The following SMARCA5 variants were observed in gnomAD, a reference collection of about 807,000 sequenced individuals.
SMARCA5 encodes the protein SWI/SNF-related matrix-associated actin-dependent regulator of chromatin subfamily A member 5.
A neutral mutation model predicts 140.4 loss-of-function variants in SMARCA5; 18 were observed. The observed-to-expected ratio is 0.13, with a 90% CI of 0.09 to 0.19. The LOEUF (loss-of-function observed/expected upper bound fraction) is 0.19. SMARCA5 is among the 10% of genes least tolerant of loss of function. The pLI, the probability that SMARCA5 is intolerant of heterozygous loss-of-function variation, is 1.00. For missense variants in SMARCA5, 606 were observed against 1,276.8 expected (o/e 0.47, Z 8.01); for synonymous variants, 449 against 419.6 (o/e 1.07, Z -0.86).
chr4:143,527,942 A>G lies in SMARCA5; in HGVS notation c.876A>G (p.Lys292=), dbSNP rs144876090. 26 of 1,601,040 alleles carry G rather than the reference A, an allele frequency of 1.6e-5. No individual in the cohort carries two copies. The African/African-American group carries it at 3.1e-4, about 19-fold the overall frequency. The change falls in exon 7 of 24, where the codon AAA becomes AAG. Residue 292 remains lysine, a synonymous_variant. Transcript: ENST00000283131. ...TAACATCTTATGAAATGCTTATTAAAGAGAAGTCTGTGTTCAAAAAATTTA... is the reference window on the plus strand; with the variant it reads ...TAACATCTTATGAAATGCTTATTAAGGAGAAGTCTGTGTTCAAAAAATTTA... The part of the protein sequence containing the change: ...VCVTSYEMLI[K]EKSVFKKFNW...
In SMARCA5 at chr4:143,543,847, C is replaced by T. The variant is rs377251857; in HGVS notation, c.2053-6C>T. On this transcript the variant is annotated splice_region_variant and splice_polypyrimidine_tract_variant and intron_variant, in intron 15 of 23. Coordinates refer to ENST00000283131, the MANE Select transcript of SMARCA5 (RefSeq NM_003601.4). ...AATCTAAGAAGCTGATTGTTTTGTTCTCTAGACTGCAGAGATGAATGAAAA... is the reference window on the plus strand; with the variant it reads ...AATCTAAGAAGCTGATTGTTTTGTTTTCTAGACTGCAGAGATGAATGAAAA... 8.8e-5 allele frequency: 140 copies of T among 1,596,280 alleles called. No individual in the cohort carries two copies. Among genetic ancestry groups the T allele is most frequent in the Non-Finnish European group, 1.1e-4 (135 of 1,175,412 alleles).
intron 9 of SMARCA5, among the ~76,000 whole-genome samples, chr4:143,534,496 A>G (rs186100919): frequency 6.6e-6 from 1 of 152,226 alleles, no homozygotes; most frequent in Admixed American, 6.5e-5. Flanking sequence ...ATTATTCCCT[A>G]AACGGTATAG....
chr4:143,527,842 TG>T (rs763644936), intron 6 of SMARCA5, 25 bp from the exon 7 acceptor site: 1 of 1,576,500 alleles, frequency 6.3e-7, no homozygotes, highest in South Asian at 1.2e-5. Flanking sequence ...TTCTACGTGA[TG>T]TAATTTTTTT....
At chr4:143,526,755 T>G (rs576970222) in intron 6 of SMARCA5, among the ~76,000 whole-genome samples, 99 of 152,082 alleles carry the variant, frequency 6.5e-4, no homozygotes, top group Middle Eastern at 3.4e-3. Context: ...TCCCAGCTAC[T>G]TGGTAGGCTG....
Position 143,538,755 on chromosome 4 carries a change from T to C in SMARCA5, c.1618-31T>C, listed in dbSNP as rs770437516. 3 of 1,613,066 alleles carry C rather than the reference T, an allele frequency of 1.9e-6. No individual in the cohort carries two copies. The Admixed American group carries it at 5.0e-5, about 27-fold the overall frequency. On this transcript the variant is annotated intron_variant, in intron 12 of 23. Coordinates refer to ENST00000283131, the MANE Select transcript of SMARCA5 (RefSeq NM_003601.4). ...GGGAGATAAAAAAGAATCAGATAAA[T>C]TTTTTGACAACCATTTTGTTTTATC...
At chr4:143,544,620 A>C in intron 16 of SMARCA5, 117 bp from the exon 17 acceptor site, 1 of 623,934 alleles carries the variant, frequency 1.6e-6, no homozygotes, top group Non-Finnish European at 2.9e-6. Flanking sequence ...CCACCCTCAT[A>C]GAGCTTATAG....
chr4:143,537,021 G>A (rs1365471874), intron 11 of SMARCA5, among the ~76,000 whole-genome samples: 1 of 152,162 alleles, frequency 6.6e-6, no homozygotes, highest in Non-Finnish European at 1.5e-5. Context: ...GACAGTGGTG[G>A]TGTGTTCATG....
rs1737404151 is a variant in SMARCA5, at chr4:143,540,306, C to T, written c.1771-57C>T. 4 of 1,392,794 alleles carry T rather than the reference C, an allele frequency of 2.9e-6. No homozygotes were observed. The East Asian group carries it at 7.2e-5, about 25-fold the overall frequency. 86.3% of individuals were successfully genotyped at this position (1,392,794 alleles called of 1,614,324 possible). A position where few individuals can be genotyped will look rare whatever the true frequency, so the allele number is the denominator to read the frequency against. On this transcript the variant is annotated intron_variant, in intron 13 of 23. Coordinates refer to ENST00000283131, the MANE Select transcript of SMARCA5 (RefSeq NM_003601.4). ...ATTTTTTTTCTCAGTGTACCCATTT[C>T]AGTGTTATTTATGTGACTTTTAAAC...
intron 9 of SMARCA5, among the ~76,000 whole-genome samples, chr4:143,533,241 T>C (rs1351501324): frequency 6.6e-6 from 1 of 152,108 alleles, no homozygotes; most frequent in Non-Finnish European, 1.5e-5. Flanking sequence ...AAAATTAATT[T>C]ATGGTGTCTA....
At chr4:143,538,131 TA>T (rs1737352891) in intron 11 of SMARCA5, among the ~76,000 whole-genome samples, 2 of 152,102 alleles carry the variant, frequency 1.3e-5, no homozygotes, top group African/African-American at 4.8e-5. Context: ...AGATAAGTGA[TA>T]AGTGAAGGAT....
intron 16 of SMARCA5, 62 bp downstream of exon 16, chr4:143,544,034 A>T: frequency 7.7e-7 from 1 of 1,290,542 alleles, no homozygotes; most frequent in African/African-American, 1.5e-5. Context: ...TTGGAATTTT[A>T]AGTGTTACTG....
intron 10 of SMARCA5, 23 bp downstream of exon 10, chr4:143,534,987 G>T: frequency 7.0e-7 from 1 of 1,427,922 alleles, no homozygotes; most frequent in Non-Finnish European, 9.7e-7. Context: ...AGATGTACTT[G>T]ATAGCACTAT....
At chr4:143,539,010 T>C (rs983006802) in intron 13 of SMARCA5, 72 bp downstream of exon 13, 3 of 1,292,892 alleles carry the variant, frequency 2.3e-6, no homozygotes, top group East Asian at 2.3e-5. Context: ...ATTCTACAAA[T>C]ATCAGTGACT....
intron 3 of SMARCA5, 133 bp downstream of exon 3, chr4:143,521,728 G>C: frequency 2.6e-6 from 2 of 766,048 alleles, no homozygotes; most frequent in Middle Eastern, 3.4e-4. Context: ...GTTTGGCTTG[G>C]CATGATTTAG....
At chr4:143,541,269 G>A (rs902533252) in intron 14 of SMARCA5, among the ~76,000 whole-genome samples, 3 of 152,144 alleles carry the variant, frequency 2.0e-5, no homozygotes, top group Non-Finnish European at 2.9e-5. Context: ...GTGTGCATTG[G>A]TTTCCTTTGT....
rs999384193 is a variant in SMARCA5, at chr4:143,530,588, TTAG to T, written c.1158+66_1158+68del. The stretch of plus-strand genomic sequence containing the variant: ...ATGGGAAAAAGGATAAAGGTTTAAA[TTAG>T]TAGATTATTTTCCTGTTAATAAAAA... On this transcript the variant is annotated intron_variant, in intron 9 of 23. Transcript: ENST00000283131. 8.1e-6 allele frequency: 9 copies of T among 1,106,070 alleles called. No homozygotes were observed. In the Admixed American group the frequency reaches 1.9e-4, roughly 23 times the overall value. 68.5% of individuals were successfully genotyped at this position (1,106,070 alleles called of 1,614,324 possible).
intron 10 of SMARCA5, among the ~76,000 whole-genome samples, 172 bp from the exon 11 acceptor site, chr4:143,536,280 T>G (rs1339207615): frequency 5.9e-5 from 9 of 151,910 alleles, no homozygotes; most frequent in Non-Finnish European, 5.9e-5. Context: ...TAAAGAAAAA[T>G]GGAAGCAAAA....
chr4:143,527,702 A>G (rs1737103007), intron 6 of SMARCA5, among the ~76,000 whole-genome samples, 166 bp from the exon 7 acceptor site: 1 of 152,220 alleles, frequency 6.6e-6, no homozygotes, highest in South Asian at 2.1e-4. Context: ...TAATGACGTT[A>G]CTTTAGTCTT....
chr4:143,532,287 A>G (rs565310691), intron 9 of SMARCA5, among the ~76,000 whole-genome samples: 4 of 152,316 alleles, frequency 2.6e-5, no homozygotes, highest in East Asian at 1.9e-4. Context: ...TGGAGTGTAT[A>G]TGTAATCTTG....
Sources: allele counts gnomAD v4.1 joint callset (sites outside exome capture counted in the v4.1 genomes callset), GRCh38; gene constraint gnomAD v4.1.1; transcripts MANE v1.5; gene names NCBI Gene and HGNC (gene_info 2026-07-23, HGNC 2026-07-21).